CCSER1: variants seen among roughly 807,000 people sequenced by gnomAD.
CCSER1 encodes the protein coiled-coil serine rich protein 1, also known as serine-rich coiled-coil domain-containing protein 1.
Under a neutral mutation model 82.0 loss-of-function variants are expected in CCSER1, and 41 were observed. The observed-to-expected ratio is 0.50, with a 90% CI of 0.39 to 0.65. The LOEUF is 0.65. Ranked by LOEUF, CCSER1 falls within the 30% of genes least tolerant of loss-of-function variation. The pLI is 0.00. For synonymous variants in CCSER1, 414 were observed against 383.9 expected, an observed-to-expected ratio of 1.08 and a Z score of -0.92; for missense variants, 1,119 against 1,064.2, an observed-to-expected ratio of 1.05 and a Z score of -0.72.
intron 3 of CCSER1, among the ~76,000 whole-genome samples, chr4:90,318,691 G>T (rs1304154118): frequency 6.6e-6 from 1 of 152,154 alleles, no homozygotes; most frequent in Non-Finnish European, 1.5e-5. Flanking sequence ...ATTTGAGATA[G>T]CCAAACACTT....
chr4:91,487,736 A>C (rs1758296261), intron 10 of CCSER1, among the ~76,000 whole-genome samples: 1 of 151,952 alleles, frequency 6.6e-6, no homozygotes, highest in Non-Finnish European at 1.5e-5. Flanking sequence ...AATATCACTA[A>C]ATTTGGTATC....
intron 10 of CCSER1, among the ~76,000 whole-genome samples, chr4:91,381,364 C>T (rs372331587): frequency 6.6e-6 from 1 of 152,146 alleles, no homozygotes; most frequent in East Asian, 1.9e-4. Context: ...TTCCATTCTC[C>T]CCGTCACTTT....
At chr4:91,049,332 A>C (rs933041819) in intron 9 of CCSER1, among the ~76,000 whole-genome samples, 1 of 152,116 alleles carries the variant, frequency 6.6e-6, no homozygotes, top group African/African-American at 2.4e-5. Context: ...AATCCTTTAC[A>C]TGTCACATGC....
intron 4 of CCSER1, among the ~76,000 whole-genome samples, chr4:90,411,928 A>G (rs1163239037): frequency 6.6e-6 from 1 of 152,162 alleles, no homozygotes; most frequent in Non-Finnish European, 1.5e-5. Context: ...GCAAAGTCTC[A>G]GGATACAAAA....
rs541616732 is a variant in CCSER1, at chr4:91,328,653, T to A, written c.2217+242659T>A. ...GTACTCATTAATTAACAGTGAAAGTTTAGTTAAATTATGTGATAAAGGGAC... is the reference window on the plus strand; with the variant it reads ...GTACTCATTAATTAACAGTGAAAGTATAGTTAAATTATGTGATAAAGGGAC... On this transcript the variant is annotated intron_variant, in intron 10 of 10. Transcript: ENST00000509176. Among the ~76,000 whole-genome samples, 9 of 152,244 alleles carry A rather than the reference T, an allele frequency of 5.9e-5. 1 individual carries two copies. The South Asian group carries it at 1.9e-3, about 32-fold the overall frequency.
At chr4:91,380,925 C>G (rs1750838778) in intron 10 of CCSER1, among the ~76,000 whole-genome samples, 1 of 152,040 alleles carries the variant, frequency 6.6e-6, no homozygotes, top group African/African-American at 2.4e-5. Flanking sequence ...TTCAGGAGCT[C>G]TTATAGGACA....
At chr4:91,455,061 G>C (rs1756081403) in intron 10 of CCSER1, among the ~76,000 whole-genome samples, 1 of 151,956 alleles carries the variant, frequency 6.6e-6, no homozygotes, top group Admixed American at 6.6e-5. Flanking sequence ...ATCATGTTTT[G>C]TATATAAAAG....
chr4:91,212,317 G>T (rs1380683554), intron 10 of CCSER1, among the ~76,000 whole-genome samples: 10 of 151,898 alleles, frequency 6.6e-5, no homozygotes, highest in Admixed American at 6.6e-4. Context: ...AGCTCCTGCC[G>T]AGCTGCTTTT....
At chr4:91,001,421 T>C (rs540938230) in intron 9 of CCSER1, among the ~76,000 whole-genome samples, 129 of 152,274 alleles carry the variant, frequency 8.5e-4, no homozygotes, top group African/African-American at 2.9e-3. Context: ...GCTGGCTTCA[T>C]AGAATGAGTT....
chr4:90,492,373 G>T lies in CCSER1; in HGVS notation c.1724+24019G>T, dbSNP rs1019343927. Among the ~76,000 whole-genome samples the T allele has an allele frequency of 7.9e-5, 12 of 151,986 alleles. No individual in the cohort carries two copies. The South Asian group carries it at 8.3e-4, about 11-fold the overall frequency. On this transcript the variant is annotated intron_variant, in intron 5 of 10. Coordinates refer to ENST00000509176, the MANE Select transcript of CCSER1 (RefSeq NM_001145065.2). ...GGGATTGGTGGTTATATCCCCTTTA[G>T]CATCTTTTATTGCATCCATTTGATT...
chr4:90,176,044 T>C (rs1233629139), intron 1 of CCSER1, among the ~76,000 whole-genome samples: 1 of 152,030 alleles, frequency 6.6e-6, no homozygotes, highest in Non-Finnish European at 1.5e-5. Flanking sequence ...AGCTGTGATC[T>C]TAAATAGAGT....
At chr4:90,894,555 C>A (rs1186927907) in intron 8 of CCSER1, among the ~76,000 whole-genome samples, 1 of 151,992 alleles carries the variant, frequency 6.6e-6, no homozygotes, top group Non-Finnish European at 1.5e-5. Flanking sequence ...AGTCTATTAG[C>A]TGCATCTCTC....
At chr4:90,898,670 G>C (rs887545617) in intron 8 of CCSER1, among the ~76,000 whole-genome samples, 24 of 152,026 alleles carry the variant, frequency 1.6e-4, no homozygotes, top group Non-Finnish European at 2.2e-4. Flanking sequence ...TATATAGCTA[G>C]CTAGTTCTCT....
chr4:91,511,022 G>C (rs546807234), intron 10 of CCSER1, among the ~76,000 whole-genome samples: 1 of 152,220 alleles, frequency 6.6e-6, no homozygotes, highest in East Asian at 1.9e-4. Flanking sequence ...ATAAAAAAGG[G>C]ATCCAGCCTC....
intron 10 of CCSER1, among the ~76,000 whole-genome samples, chr4:91,260,871 C>T (rs1200332298): frequency 6.6e-6 from 1 of 152,156 alleles, no homozygotes; most frequent in African/African-American, 2.4e-5. Flanking sequence ...CGCCATTCTC[C>T]TGCCTCAGCC....
chr4:91,412,548 C>T (rs2149373750), intron 10 of CCSER1, among the ~76,000 whole-genome samples: 1 of 152,156 alleles, frequency 6.6e-6, no homozygotes, highest in South Asian at 2.1e-4. Flanking sequence ...TTATGGAAGT[C>T]CAACCCACCC....
At chr4:91,072,504 A>C (rs1031592246) in intron 9 of CCSER1, among the ~76,000 whole-genome samples, 4 of 152,116 alleles carry the variant, frequency 2.6e-5, no homozygotes, top group Admixed American at 2.0e-4. Flanking sequence ...TCTCTTGAAC[A>C]TTAATATAGT....
At chr4:91,415,805 T>C (rs1166500176) in intron 10 of CCSER1, among the ~76,000 whole-genome samples, 1 of 152,138 alleles carries the variant, frequency 6.6e-6, no homozygotes, top group Non-Finnish European at 1.5e-5. Context: ...CTGGATTTCG[T>C]TTGCCAGTAT....
rs530942155 is a variant in CCSER1 at position 91,373,832 on chromosome 4, G to A, written c.2218-224740G>A. On this transcript the variant is annotated intron_variant, in intron 10 of 10. Coordinates refer to ENST00000509176, the MANE Select transcript of CCSER1 (RefSeq NM_001145065.2). ...AGCCACGTTGTGAATCAAAGGAAAC[G>A]TTCTTAGAGGAAATTAAAAATGCTA... Among the ~76,000 whole-genome samples, 6 of 152,260 alleles carry A rather than the reference G, an allele frequency of 3.9e-5. No individual in the cohort carries two copies. In the South Asian group the frequency reaches 1.0e-3, roughly 26 times the overall value.
Sources: gnomAD v4.1 joint callset for allele counts (sites outside exome capture counted in the v4.1 genomes callset) on GRCh38, gnomAD v4.1.1 for gene constraint, MANE v1.5 for transcripts, NCBI Gene and HGNC (gene_info 2026-07-23, HGNC 2026-07-21) for gene names.